GALNT18: variants seen among roughly 807,000 people sequenced by gnomAD.
GALNT18 encodes GalNAc-transferase 18.
Under a neutral mutation model 69.5 loss-of-function variants are expected in GALNT18, and 44 were observed. The observed-to-expected ratio is 0.63, with a 90% CI of 0.50 to 0.81. GALNT18 has a LOEUF of 0.81. Ranked by LOEUF, GALNT18 falls within the 40% of genes least tolerant of loss-of-function variation. The probability of loss-of-function intolerance (pLI) is 0.00; values close to 1 mark genes in which losing one functional copy is unlikely to be tolerated. For synonymous variants in GALNT18, 364 were observed against 318.2 expected (o/e 1.14, Z -1.53); for missense variants, 715 against 810.0 (o/e 0.88, Z 1.42).
intron 3 of GALNT18, among the ~76,000 whole-genome samples, chr11:11,381,159 C>T (rs1261461370): frequency 6.6e-6 from 1 of 152,248 alleles, no homozygotes; most frequent in Non-Finnish European, 1.5e-5. Context: ...CTCACACTTA[C>T]AAGGTCTTCA....
In GALNT18 at chr11:11,389,109, T is replaced by C. The variant is rs1343756825; in HGVS notation, c.596-9845A>G. Among the ~76,000 whole-genome samples, 3 of 152,246 alleles carry C rather than the reference T, an allele frequency of 2.0e-5. No homozygotes were observed. The highest frequency in any genetic ancestry group is 4.4e-5 in the Non-Finnish European group (3 of 68,050). On this transcript the variant is annotated intron_variant, in intron 3 of 10. Transcript: ENST00000227756. This position sits in a 1 kb window ranked among gnomAD's most constrained non-coding sequence, Gnocchi z 4.3. Reference sequence around the variant, plus strand: ...CAACCTGAAGATAATAACCTCATTATTATCTTCAAACGGCAAATGGGAAAA... The same window carrying C: ...CAACCTGAAGATAATAACCTCATTACTATCTTCAAACGGCAAATGGGAAAA...
In GALNT18 at chr11:11,347,171, A is replaced by T. The variant is rs575531046; in HGVS notation, c.1093-6167T>A. Among the ~76,000 whole-genome samples, 81 of 152,256 alleles carry T rather than the reference A, an allele frequency of 5.3e-4. No homozygotes were observed. Among genetic ancestry groups the T allele is most frequent in the Non-Finnish European group, 9.1e-4 (62 of 68,010 alleles). ...GCTGCCAAATGGGGGAGCTGGACTC[A>T]ATGTTGTCTTAGGTCCCCTCTACTT... On this transcript the variant is annotated intron_variant, in intron 6 of 10. Coordinates refer to ENST00000227756, the MANE Select transcript of GALNT18 (RefSeq NM_198516.3). This position sits in a 1 kb window ranked among gnomAD's most constrained non-coding sequence, Gnocchi z 4.0.
chr11:11,508,410 A>G (rs541862539), intron 1 of GALNT18, among the ~76,000 whole-genome samples: 57 of 152,330 alleles, frequency 3.7e-4, no homozygotes, highest in African/African-American at 1.3e-3. Flanking sequence ...ACTCCATCAA[A>G]AGCCACATAA....
intron 1 of GALNT18, among the ~76,000 whole-genome samples, chr11:11,477,170 A>G (rs1176683902): frequency 6.6e-6 from 1 of 152,228 alleles, no homozygotes; most frequent in Non-Finnish European, 1.5e-5. Flanking sequence ...CAATGGCAGG[A>G]TGAAGGTGGC....
chr11:11,318,006 T>A lies in GALNT18; in HGVS notation c.1512+9080A>T, dbSNP rs1332587820. On this transcript the variant is annotated intron_variant, in intron 9 of 10. Transcript: ENST00000227756. The surrounding 1 kb of genome is among the most constrained non-coding windows in gnomAD (Gnocchi z 5.1). ...TTTTTCTTATTTGTCAGAGATGACA[T>A]TGACTTAGAAAATATCTAAGTTTTT... is the stretch of plus-strand genomic sequence containing the variant. Among the ~76,000 whole-genome samples, 1 of 152,190 alleles carries A rather than the reference T, an allele frequency of 6.6e-6. No individual in the cohort carries two copies. Among genetic ancestry groups the A allele is most frequent in the African/African-American group, 2.4e-5 (1 of 41,438 alleles).
chr11:11,555,599 C>T lies in GALNT18; in HGVS notation c.235+65760G>A, dbSNP rs1858315382. On this transcript the variant is annotated intron_variant, in intron 1 of 10. Transcript: ENST00000227756. The surrounding 1 kb of genome is among the most constrained non-coding windows in gnomAD (Gnocchi z 4.7). ...AATAAATTCCTGTTGTTTTAAGCCACCCACTTTATTACAGAACCCTAGGAA... is the reference window on the plus strand; with the variant it reads ...AATAAATTCCTGTTGTTTTAAGCCATCCACTTTATTACAGAACCCTAGGAA... Among the ~76,000 whole-genome samples the T allele has an allele frequency of 6.6e-6, 1 of 152,208 alleles. No homozygotes were observed. The highest frequency in any genetic ancestry group is 1.5e-5 in the Non-Finnish European group (1 of 68,040).
chr11:11,399,432 T>C (rs945460375), intron 3 of GALNT18, among the ~76,000 whole-genome samples: 1 of 152,076 alleles, frequency 6.6e-6, no homozygotes, highest in African/African-American at 2.4e-5. Flanking sequence ...TTTGAGTGCC[T>C]GTGTCAAAAA....
At chr11:11,537,703 T>C (rs1857815753) in intron 1 of GALNT18, among the ~76,000 whole-genome samples, 1 of 152,208 alleles carries the variant, frequency 6.6e-6, no homozygotes, top group Admixed American at 6.5e-5. Context: ...CAGGATTTTA[T>C]TAAAAATGTT....
chr11:11,441,986 C>T (rs970243300), intron 2 of GALNT18, among the ~76,000 whole-genome samples: 15 of 152,166 alleles, frequency 9.9e-5, no homozygotes, highest in Non-Finnish European at 1.8e-4. Context: ...GTCACTGTAA[C>T]AAATTATTAC....
intron 1 of GALNT18, among the ~76,000 whole-genome samples, chr11:11,556,757 G>A (rs751361611): frequency 6.6e-6 from 1 of 152,206 alleles, no homozygotes; most frequent in Non-Finnish European, 1.5e-5. Context: ...GCTAACAGGA[G>A]TGGCTAATGC....
chr11:11,363,038 A>C (rs916524516), intron 6 of GALNT18, among the ~76,000 whole-genome samples: 21 of 152,200 alleles, frequency 1.4e-4, no homozygotes, highest in African/African-American at 5.1e-4. Flanking sequence ...AAAGTGAGAT[A>C]ATAAAAATGT....
At chr11:11,556,716 G>T (rs908991250) in intron 1 of GALNT18, among the ~76,000 whole-genome samples, 1 of 152,164 alleles carries the variant, frequency 6.6e-6, no homozygotes, top group African/African-American at 2.4e-5. Context: ...AACATTTCAC[G>T]ATATGTCAAT....
At position 11,615,359 on chromosome 11, in the gene GALNT18, A is replaced by T. The variant is rs150167283; in HGVS notation, c.235+6000T>A. On this transcript the variant is annotated intron_variant, in intron 1 of 10. Transcript: ENST00000227756. ...TGACCTGGTATACATTAATATGCAC[A>T]TAATATGACTAACAAACTTTCAGGA... Among the ~76,000 whole-genome samples the T allele has an allele frequency of 6.7e-3, 1,022 of 152,364 alleles. 8 individuals are homozygous for T. The highest frequency in any genetic ancestry group is 9.3e-3 in the Non-Finnish European group (631 of 68,042).
chr11:11,570,178 G>T (rs890907919), intron 1 of GALNT18: 1 of 152,348 alleles, frequency 6.6e-6, no homozygotes, highest in African/African-American at 2.4e-5. Context: ...AGCACACCGT[G>T]TGGGATTCAA....
intron 10 of GALNT18, among the ~76,000 whole-genome samples, chr11:11,282,965 G>A (rs1389357426): frequency 6.6e-6 from 1 of 152,148 alleles, no homozygotes; most frequent in African/African-American, 2.4e-5. Context: ...GAGGCAGACG[G>A]CAAGTGTAAG....
Position 11,341,104 on chromosome 11 carries a change from C to T in GALNT18, c.1093-100G>A. On this transcript the variant is annotated intron_variant, in intron 6 of 10. Coordinates refer to ENST00000227756, the MANE Select transcript of GALNT18 (RefSeq NM_198516.3). The surrounding 1 kb of genome is among the most constrained non-coding windows in gnomAD (Gnocchi z 6.3). ...TGACATGAGCAGGAAGAAAGTCAGC[C>T]CCTTCACCTTGACTCCCCAGATCAC... 1.7e-6 allele frequency: 2 copies of T among 1,143,188 alleles called. No homozygotes were observed. The highest frequency in any genetic ancestry group is 2.5e-6 in the Non-Finnish European group (2 of 807,092). 70.8% of individuals were successfully genotyped at this position (1,143,188 alleles called of 1,614,324 possible).
intron 7 of GALNT18, among the ~76,000 whole-genome samples, chr11:11,335,986 A>G (rs772505054): frequency 1.3e-5 from 2 of 152,210 alleles, no homozygotes; most frequent in Non-Finnish European, 2.9e-5. Context: ...ATTTGTTACC[A>G]TAGCCCTAGG....
In GALNT18 at chr11:11,606,859, T is replaced by C. The variant is rs1490545696; in HGVS notation, c.235+14500A>G. On this transcript the variant is annotated intron_variant, in intron 1 of 10. Coordinates refer to ENST00000227756, the MANE Select transcript of GALNT18 (RefSeq NM_198516.3). The surrounding 1 kb of genome is among the most constrained non-coding windows in gnomAD (Gnocchi z 5.4). ...ACCCAGTAGAGGCTCCTCAGGGTAG[T>C]CCTCAAGTTGCATTGGGTCTTGGAT... Among the ~76,000 whole-genome samples, 1 of 152,196 alleles carries C rather than the reference T, an allele frequency of 6.6e-6. No individual in the cohort carries two copies. The highest frequency in any genetic ancestry group is 1.5e-5 in the Non-Finnish European group (1 of 68,016).
At chr11:11,343,317 T>C (rs1850244062) in intron 6 of GALNT18, among the ~76,000 whole-genome samples, 1 of 151,662 alleles carries the variant, frequency 6.6e-6, no homozygotes, top group Non-Finnish European at 1.5e-5. Flanking sequence ...CACACTGCAC[T>C]CCAGCCTAGG....
Sources: allele counts gnomAD v4.1 joint callset (sites outside exome capture counted in the v4.1 genomes callset), GRCh38; gene constraint gnomAD v4.1.1; non-coding constraint Gnocchi (gnomAD v3.1); transcripts MANE v1.5; gene names NCBI Gene and HGNC (gene_info 2026-07-23, HGNC 2026-07-21).